The following RGS6 variants were observed in gnomAD, a reference collection of about 807,000 sequenced individuals.
RGS6 encodes regulator of G-protein signaling 6.
In RGS6, 30 loss-of-function variants were observed where a neutral mutation model predicts 78.5. The ratio of observed to expected loss-of-function variants is 0.38; its 90% CI spans 0.29 to 0.52. RGS6 has a LOEUF of 0.52. Among genes scored for constraint, RGS6 ranks in the 20% least tolerant of loss-of-function variants. The pLI is 0.85. For synonymous variants in RGS6, 206 were observed against 206.0 expected (o/e 1.00, Z 0.00); for missense variants, 495 against 609.7 (o/e 0.81, Z 1.98).
chr14:72,047,141 C>T (rs2239265), intron 2 of RGS6, among the ~76,000 whole-genome samples: 60,506 of 151,966 alleles, frequency 0.4, 12,388 homozygotes, highest in East Asian at 0.52. Context: ...ACACTGAGCA[C>T]GGTGACAGCT....
chr14:72,620,050 C>T, the RGS6 span: 1 of 1,449,414 alleles, frequency 6.9e-7, no homozygotes, highest in Non-Finnish European at 9.1e-7. Flanking sequence ...TGTCTGGCCC[C>T]CGCTTACCCA....
At chr14:72,229,219 C>T (rs1424093437) in intron 2 of RGS6, among the ~76,000 whole-genome samples, 2 of 152,124 alleles carry the variant, frequency 1.3e-5, no homozygotes, top group African/African-American at 4.8e-5. Context: ...TATCAGTATA[C>T]TCTCATGCTG....
chr14:72,577,517 G>C, the RGS6 span, among the ~76,000 whole-genome samples: 1 of 152,136 alleles, frequency 6.6e-6, no homozygotes, highest in East Asian at 1.9e-4. Flanking sequence ...TCCAGTTCCA[G>C]TTCTTACCAT....
At chr14:72,236,679 G>A (rs1024611014) in intron 2 of RGS6, among the ~76,000 whole-genome samples, 1 of 152,160 alleles carries the variant, frequency 6.6e-6, no homozygotes, top group East Asian at 1.9e-4. Context: ...GACGGTGGAG[G>A]GGCCGGGCAG....
intron 3 of RGS6, among the ~76,000 whole-genome samples, chr14:72,368,461 G>A (rs2152823453): frequency 6.6e-6 from 1 of 152,236 alleles, no homozygotes; most frequent in East Asian, 1.9e-4. Context: ...CCAAACCATT[G>A]CACTGTGGTA....
chr14:72,371,184 T>C (rs1012308289), intron 3 of RGS6, among the ~76,000 whole-genome samples: 1 of 152,222 alleles, frequency 6.6e-6, no homozygotes, highest in African/African-American at 2.4e-5. Flanking sequence ...ATTTTTCTTC[T>C]TATGGGATTC....
chr14:72,334,757 C>T (rs1299160884), intron 2 of RGS6, among the ~76,000 whole-genome samples: 1 of 152,122 alleles, frequency 6.6e-6, no homozygotes, highest in African/African-American at 2.4e-5. Context: ...AGACTCTCCC[C>T]CTACTCCCAC....
intron 17 of RGS6, among the ~76,000 whole-genome samples, chr14:72,544,160 G>T (rs1187254169): frequency 6.6e-6 from 1 of 152,218 alleles, no homozygotes. Context: ...GGGAGAGGGG[G>T]CAAGAGGAAT....
chr14:71,876,635 C>T, the RGS6 span, among the ~76,000 whole-genome samples: 1 of 151,610 alleles, frequency 6.6e-6, no homozygotes. Context: ...ATCCGATTTG[C>T]CAGTCTGTGT....
the RGS6 span, among the ~76,000 whole-genome samples, chr14:72,589,653 C>T: frequency 6.6e-6 from 1 of 152,130 alleles, no homozygotes; most frequent in South Asian, 2.1e-4. Context: ...TGTTACTCTG[C>T]TTCTGGGAAT....
chr14:72,015,141 TGCTGAGGGCTCCCAGCTGCTTCC>T (rs1326193707), intron 2 of RGS6, among the ~76,000 whole-genome samples: 1 of 152,208 alleles, frequency 6.6e-6, no homozygotes, highest in Non-Finnish European at 1.5e-5. Flanking sequence ...CATCTGCTTC[TGCTGAGGGCTCCCAGCTGCTTCC>T]ACTCATGGAG....
Position 72,378,057 on chromosome 14 carries a change from G to T in RGS6, c.184+25863G>T, listed in dbSNP as rs150330648. 6.6e-3 allele frequency among the ~76,000 whole-genome samples: 1,009 copies of T among 152,172 alleles called. 2 individuals carry two copies. Among genetic ancestry groups the T allele is most frequent in the Non-Finnish European group, 0.01 (684 of 68,006 alleles). On this transcript the variant is annotated intron_variant, in intron 3 of 17. Transcript: ENST00000553525. ...ATAAAACTGGATATCAGTAACAAGAGGGACATTTGAAACTATACAAATACA... is the reference window on the plus strand; with the variant it reads ...ATAAAACTGGATATCAGTAACAAGATGGACATTTGAAACTATACAAATACA...
intron 1 of RGS6, among the ~76,000 whole-genome samples, chr14:71,949,538 ATCT>A (rs1216471898): frequency 2.0e-5 from 3 of 152,088 alleles, no homozygotes; most frequent in African/African-American, 4.8e-5. Context: ...AGTTGTAGAA[ATCT>A]TCTTTTAAAA....
intron 2 of RGS6, among the ~76,000 whole-genome samples, chr14:72,095,690 T>C (rs752267739): frequency 6.6e-6 from 1 of 152,228 alleles, no homozygotes; most frequent in Non-Finnish European, 1.5e-5. Context: ...ATGGGGCAAG[T>C]AACTGCCAGT....
Position 72,562,441 on chromosome 14 carries a change from C to T in RGS6, c.1447C>T (p.Leu483Phe). The T allele has an allele frequency of 6.2e-7, 1 of 1,612,968 alleles. No individual in the cohort carries two copies. Among genetic ancestry groups the T allele is most frequent in the Non-Finnish European group, 8.5e-7 (1 of 1,180,048 alleles). ...GGGAAAGTCGCTGGCGGGCAAGCGC[C>T]TCACGGGCCTGATGCAGTCCTCCTG... Reference protein sequence around the residue: ...SVGKSLAGKRLTGLMQSS With the variant: ...SVGKSLAGKRFTGLMQSS The change falls in exon 18 of 18, where the codon CTC (leucine) becomes TTC (phenylalanine). Residue 483 changes from leucine (L) to phenylalanine (F), a missense_variant. By Grantham distance (22) the Leu-to-Phe change is conservative (BLOSUM62 0). Transcript: ENST00000553525.
chr14:72,110,752 G>C (rs75125461), intron 2 of RGS6, among the ~76,000 whole-genome samples: 1 of 152,340 alleles, frequency 6.6e-6, no homozygotes, highest in Non-Finnish European at 1.5e-5. Flanking sequence ...TTGGGGGAAA[G>C]AAGTTTTTGT....
At chr14:72,494,884 C>G (rs1432819432) in intron 12 of RGS6, among the ~76,000 whole-genome samples, 1 of 151,954 alleles carries the variant, frequency 6.6e-6, no homozygotes, top group Non-Finnish European at 1.5e-5. Flanking sequence ...AGAGATGCAC[C>G]AAGGTTCAGG....
chr14:72,063,750 T>C (rs2094002612), intron 2 of RGS6, among the ~76,000 whole-genome samples: 1 of 152,096 alleles, frequency 6.6e-6, no homozygotes, highest in Non-Finnish European at 1.5e-5. Flanking sequence ...AGGCATTGCA[T>C]GTTCTAGATT....
At chr14:71,929,719 G>T (rs1018980881), upstream of RGS6, among the ~76,000 whole-genome samples, 1 of 152,134 alleles carries the variant, frequency 6.6e-6, no homozygotes, top group Non-Finnish European at 1.5e-5. Flanking sequence ...GATGGTGGTT[G>T]CCAAATGGTG....
Sources: allele counts gnomAD v4.1 joint callset (sites outside exome capture counted in the v4.1 genomes callset), GRCh38; gene constraint gnomAD v4.1.1; transcripts MANE v1.5; gene names NCBI Gene and HGNC (gene_info 2026-07-23, HGNC 2026-07-21).